FAR1: variants seen among roughly 807,000 people sequenced by gnomAD.
FAR1 encodes male sterility domain-containing protein 2.
Under a neutral mutation model 61.1 loss-of-function variants are expected in FAR1, and 22 were observed. The ratio of observed to expected loss-of-function variants is 0.36; its 90% CI spans 0.26 to 0.51. The LOEUF (loss-of-function observed/expected upper bound fraction) is 0.51. Ranked by LOEUF, FAR1 falls within the 20% of genes least tolerant of loss-of-function variation. The pLI, the probability that FAR1 is intolerant of heterozygous loss-of-function variation, is 0.95. For missense variants in FAR1, 359 were observed against 626.9 expected (o/e 0.57, Z 4.56); for synonymous variants, 206 against 209.7 (o/e 0.98, Z 0.15).
At chr11:13,678,449 A>G (rs1848090820) in intron 1 of FAR1, among the ~76,000 whole-genome samples, 1 of 152,050 alleles carries the variant, frequency 6.6e-6, no homozygotes, top group South Asian at 2.1e-4. Context: ...TATTTTTAGT[A>G]GAGACGGGGT....
intron 2 of FAR1, among the ~76,000 whole-genome samples, chr11:13,697,788 G>C (rs929903655): frequency 6.6e-6 from 1 of 152,082 alleles, no homozygotes; most frequent in African/African-American, 2.4e-5. Context: ...TACTTTTTTA[G>C]TCATTCCTTA....
intron 11 of FAR1, 99 bp from the exon 12 acceptor site, chr11:13,728,513 T>TTTGA: frequency 9.2e-7 from 1 of 1,083,708 alleles, no homozygotes; most frequent in East Asian, 2.4e-5. Context: ...TTAATATGGA[T>TTTGA]TTGAGCTTTG....
rs1242918545 is a variant in FAR1 at position 13,721,701 on chromosome 11, T to C, written c.1128-29T>C. ...GATTTTTCCTAATCTATACAAAATA[T>C]GAATCTGTCCATTTTTCTTACAATA... is the stretch of plus-strand genomic sequence containing the variant. On this transcript the variant is annotated intron_variant, in intron 9 of 11. Transcript: ENST00000354817. The surrounding 1 kb of genome is among the most constrained non-coding windows in gnomAD (Gnocchi z 4.2). 4 of 1,602,346 alleles carry C rather than the reference T, an allele frequency of 2.5e-6. No individual in the cohort carries two copies. Among genetic ancestry groups the C allele is most frequent in the East Asian group, 2.3e-5 (1 of 44,436 alleles).
chr11:13,702,199 T>G (rs1187431378), intron 3 of FAR1, among the ~76,000 whole-genome samples: 1 of 152,110 alleles, frequency 6.6e-6, no homozygotes, highest in East Asian at 1.9e-4. Context: ...TAATATGATC[T>G]TATTTTCATA....
intron 1 of FAR1, among the ~76,000 whole-genome samples, chr11:13,680,385 G>C (rs1347452664): frequency 1.3e-5 from 2 of 152,166 alleles, no homozygotes; most frequent in Non-Finnish European, 2.9e-5. Context: ...GTGCCACTGT[G>C]CCTGGCTCAG....
At chr11:13,711,519 C>T (rs1231386733) in intron 5 of FAR1, among the ~76,000 whole-genome samples, 1 of 152,084 alleles carries the variant, frequency 6.6e-6, no homozygotes, top group Non-Finnish European at 1.5e-5. Context: ...TTTCTCTTTG[C>T]AGAGAGTTAA....
At chr11:13,685,710 C>G (rs1020429037) in intron 1 of FAR1, 1 of 154,018 alleles carries the variant, frequency 6.5e-6, no homozygotes, top group Non-Finnish European at 1.5e-5. Flanking sequence ...AAGAGAGAGC[C>G]TGAATTTTTT....
intron 10 of FAR1, among the ~76,000 whole-genome samples, chr11:13,726,722 TCTTC>T (rs1265398412): frequency 1.5e-4 from 22 of 151,516 alleles, no homozygotes; most frequent in African/African-American, 2.9e-4. Context: ...ATACTGCTTC[TCTTC>T]CTTTTTTTTT....
intron 7 of FAR1, 70 bp downstream of exon 7, chr11:13,712,116 A>G (rs1848505830): frequency 2.9e-6 from 3 of 1,045,404 alleles, no homozygotes; most frequent in Admixed American, 3.4e-5. Context: ...CTTTTGAGTA[A>G]TGTTAATTAA....
rs981576297 is a variant in FAR1 at position 13,730,442 on chromosome 11, C to G, written c.*1668C>G. Reference sequence around the variant, plus strand: ...TATCTCTATATTCTTTGGAATGATACTAAAGTCTCTGGTCTAGGACCATAC... The same window carrying G: ...TATCTCTATATTCTTTGGAATGATAGTAAAGTCTCTGGTCTAGGACCATAC... On this transcript the variant is annotated 3_prime_UTR_variant, in exon 12 of 12. Coordinates refer to ENST00000354817, the MANE Select transcript of FAR1 (RefSeq NM_032228.6). The G allele has an allele frequency of 6.6e-6, 1 of 152,134 alleles. No individual in the cohort carries two copies. Among genetic ancestry groups the G allele is most frequent in the Non-Finnish European group, 1.5e-5 (1 of 67,888 alleles). 9.4% of individuals were successfully genotyped at this position (152,134 alleles called of 1,614,324 possible). A position where few individuals can be genotyped will look rare whatever the true frequency, so the allele number is the denominator to read the frequency against.
At chr11:13,727,284 G>C (rs1441569679) in intron 10 of FAR1, among the ~76,000 whole-genome samples, 1 of 151,792 alleles carries the variant, frequency 6.6e-6, no homozygotes, top group African/African-American at 2.4e-5. Context: ...AATGGTACAG[G>C]CTTTTTTCTT....
chr11:13,669,174 A>G (rs1019182540), intron 1 of FAR1, among the ~76,000 whole-genome samples: 25 of 152,164 alleles, frequency 1.6e-4, no homozygotes, highest in African/African-American at 5.8e-4. Flanking sequence ...GCGGGAGGGT[A>G]GCGGCAAAGG....
chr11:13,724,178 TG>T (rs1365687465), intron 10 of FAR1, among the ~76,000 whole-genome samples: 1 of 152,224 alleles, frequency 6.6e-6, no homozygotes, highest in Non-Finnish European at 1.5e-5. Context: ...ATTAGCTAGC[TG>T]GCATTTATAA....
chr11:13,721,315 T>G lies in FAR1; in HGVS notation c.1128-415T>G, dbSNP rs974327245. 6.3e-6 allele frequency: 1 copy of G among 157,780 alleles called. No individual in the cohort carries two copies. The highest frequency in any genetic ancestry group is 2.4e-5 in the African/African-American group (1 of 41,514). The allele number at this position is 157,780 out of a possible 1,614,324, so 9.8% of individuals were successfully genotyped here. The stretch of plus-strand genomic sequence containing the variant: ...TAAATATAACACAGTATGTTATTAA[T>G]TCACAGGAAATCTTAGCAAATGCAG... On this transcript the variant is annotated intron_variant, in intron 9 of 11. Transcript: ENST00000354817. The surrounding 1 kb of genome is among the most constrained non-coding windows in gnomAD (Gnocchi z 4.2).
chr11:13,727,724 T>A, intron 11 of FAR1, 41 bp downstream of exon 11: 2 of 1,546,360 alleles, frequency 1.3e-6, no homozygotes, highest in South Asian at 2.4e-5. Context: ...TTGTCTTCCT[T>A]ATGAAATATT....
rs1355497087 is a variant in FAR1, at chr11:13,701,152, A to T, written c.365+660A>T. Among the ~76,000 whole-genome samples the T allele has an allele frequency of 2.0e-5, 3 of 152,200 alleles. No homozygotes were observed. In the East Asian group the frequency reaches 5.8e-4, roughly 29 times the overall value. On this transcript the variant is annotated intron_variant, in intron 3 of 11. Transcript: ENST00000354817. ...TGTGTCAAAAAATACAGTTTTTATA[A>T]TGTTAATCTAATTGTATAGTCTCAT... is the stretch of plus-strand genomic sequence containing the variant.
At chr11:13,701,389 A>T (rs1848372264) in intron 3 of FAR1, among the ~76,000 whole-genome samples, 1 of 152,122 alleles carries the variant, frequency 6.6e-6, no homozygotes, top group South Asian at 2.1e-4. Context: ...TGTATCTCAT[A>T]AATATGTACA....
intron 1 of FAR1, among the ~76,000 whole-genome samples, chr11:13,679,377 T>C (rs957026662): frequency 6.6e-6 from 1 of 152,180 alleles, no homozygotes; most frequent in African/African-American, 2.4e-5. Context: ...ACTGTTTTCT[T>C]CCCCTAGAAG....
At position 13,707,897 on chromosome 11, in the gene FAR1, C is replaced by T. The variant is rs1434039869; in HGVS notation, c.366-3C>T. The T allele has an allele frequency of 6.6e-7, 1 of 1,508,432 alleles. No individual in the cohort carries two copies. Among genetic ancestry groups the T allele is most frequent in the Non-Finnish European group, 8.9e-7 (1 of 1,126,212 alleles). The allele number at this position is 1,508,432 out of a possible 1,614,324, so 93.4% of individuals were successfully genotyped here. A position where few individuals can be genotyped will look rare whatever the true frequency, so the allele number is the denominator to read the frequency against. Reference sequence around the variant, plus strand: ...TCTATTGTCACTTTTTCTTTTTAAACAGAGATGCTGTTCAGTTAAATGTGA... The same window carrying T: ...TCTATTGTCACTTTTTCTTTTTAAATAGAGATGCTGTTCAGTTAAATGTGA... On this transcript the variant is annotated splice_region_variant and splice_polypyrimidine_tract_variant and intron_variant, in intron 3 of 11. Transcript: ENST00000354817.
Sources: gnomAD v4.1 joint callset for allele counts (sites outside exome capture counted in the v4.1 genomes callset) on GRCh38, gnomAD v4.1.1 for gene constraint, Gnocchi (gnomAD v3.1) non-coding constraint, MANE v1.5 for transcripts, NCBI Gene and HGNC (gene_info 2026-07-23, HGNC 2026-07-21) for gene names.